The following SPTLC3 variants were observed in gnomAD, a reference collection of about 807,000 sequenced individuals.
The protein encoded by SPTLC3 is serine palmitoyltransferase long chain base subunit 3.
In SPTLC3, 36 loss-of-function variants were observed where a neutral mutation model predicts 59.3. That is an observed-to-expected ratio of 0.61 (90% CI 0.47 to 0.80). The LOEUF (loss-of-function observed/expected upper bound fraction) is 0.80. Ranked by LOEUF, SPTLC3 falls within the 30% of genes least tolerant of loss-of-function variation. SPTLC3 has a pLI of 0.00. For missense variants in SPTLC3, 625 were observed against 685.1 expected, an observed-to-expected ratio of 0.91 and a Z score of 0.98; for synonymous variants, 257 against 240.8, an observed-to-expected ratio of 1.07 and a Z score of -0.62.
Position 13,074,484 on chromosome 20 carries a change from C to T in SPTLC3, c.594C>T (p.Thr198=). 6.2e-7 allele frequency: 1 copy of T among 1,613,188 alleles called. No individual in the cohort carries two copies. The highest frequency in any genetic ancestry group is 8.5e-7 in the Non-Finnish European group (1 of 1,179,488). Residue 198 remains threonine, a synonymous_variant, in exon 4 of 12, where the codon ACC becomes ACT. Coordinates refer to ENST00000399002, the MANE Select transcript of SPTLC3 (RefSeq NM_018327.4). ...TGTATGGCACAGGCGTGGCCAGCAC[C>T]AGGCATGAAATGGGTATGTACATTC... is the stretch of plus-strand genomic sequence containing the variant. The part of the protein sequence containing the change: ...LEVYGTGVAS[T]RHEMGTLDKH...
rs558614977 is a variant in SPTLC3 at position 13,129,787 on chromosome 20, T to C, written c.1279+3070T>C. Among the ~76,000 whole-genome samples the C allele has an allele frequency of 1.5e-3, 235 of 152,360 alleles. 1 individual carries two copies. The highest frequency in any genetic ancestry group is 5.4e-3 in the African/African-American group (226 of 41,588). ...CATTAAAGACATGAGCATTTGCTCC[T>C]CAGTAATCATCTGCCATCAATTTTT... is the stretch of plus-strand genomic sequence containing the variant. On this transcript the variant is annotated intron_variant, in intron 9 of 11. Transcript: ENST00000399002.
chr20:13,141,189 T>G (rs187880894), intron 9 of SPTLC3, among the ~76,000 whole-genome samples: 1 of 152,358 alleles, frequency 6.6e-6, no homozygotes, highest in East Asian at 1.9e-4. Flanking sequence ...ATGAGATACA[T>G]TCACAAACTT....
At chr20:13,123,355 A>G (rs1003897962) in intron 8 of SPTLC3, among the ~76,000 whole-genome samples, 65 of 151,854 alleles carry the variant, frequency 4.3e-4, no homozygotes, top group African/African-American at 1.5e-3. Flanking sequence ...CACCAACTGC[A>G]TCAGGTATTC....
At chr20:13,018,117 G>A (rs1985635053) in intron 1 of SPTLC3, among the ~76,000 whole-genome samples, 1 of 152,162 alleles carries the variant, frequency 6.6e-6, no homozygotes, top group African/African-American at 2.4e-5. Flanking sequence ...GATACTTCAT[G>A]GATCATAGAC....
At chr20:13,122,873 G>T (rs572020229) in intron 8 of SPTLC3, among the ~76,000 whole-genome samples, 1 of 152,234 alleles carries the variant, frequency 6.6e-6, no homozygotes, top group East Asian at 1.9e-4. Flanking sequence ...GAAAATCCTT[G>T]GTTTGATGTA....
chr20:13,060,261 T>C (rs1476864160), intron 2 of SPTLC3, among the ~76,000 whole-genome samples: 2 of 152,310 alleles, frequency 1.3e-5, no homozygotes, highest in East Asian at 3.9e-4. Context: ...AGATTCAGTA[T>C]ACGCAAAATC....
Position 13,108,201 on chromosome 20 carries a change from T to A in SPTLC3, c.827-1911T>A, listed in dbSNP as rs540400052. 1.7e-3 allele frequency among the ~76,000 whole-genome samples: 263 copies of A among 152,318 alleles called. 1 individual carries two copies. The highest frequency in any genetic ancestry group is 2.7e-3 in the Admixed American group (42 of 15,292). On this transcript the variant is annotated intron_variant, in intron 6 of 11. Transcript: ENST00000399002. ...CTGACTTGTCCTATCCCACTCCAAG[T>A]CATAGGAAGTCACCTTTATTTAAAT...
intron 4 of SPTLC3, 22 bp from the exon 5 acceptor site, chr20:13,091,061 T>G (rs1262967958): frequency 6.2e-7 from 1 of 1,612,286 alleles, no homozygotes; most frequent in East Asian, 2.2e-5. Context: ...AAGGCTCACT[T>G]CTCATGTAAT....
chr20:13,045,403 T>C lies in SPTLC3; in HGVS notation c.118-3542T>C, dbSNP rs536384429. ...ATAAATGCAAACTTATTAAGCAAGA[T>C]TTTATGCTTCATTTACTTTGATAGG... On this transcript the variant is annotated intron_variant, in intron 1 of 11. Coordinates refer to ENST00000399002, the MANE Select transcript of SPTLC3 (RefSeq NM_018327.4). 1.9e-4 allele frequency among the ~76,000 whole-genome samples: 29 copies of C among 152,328 alleles called. No homozygotes were observed. The East Asian group carries it at 4.6e-3, about 24-fold the overall frequency.
At chr20:13,119,350 C>T (rs1423576583) in intron 8 of SPTLC3, among the ~76,000 whole-genome samples, 1 of 152,174 alleles carries the variant, frequency 6.6e-6, no homozygotes, top group Non-Finnish European at 1.5e-5. Context: ...TAAACAAAGG[C>T]TCGCGACTAG....
In SPTLC3 at chr20:13,062,319, G is replaced by A. The variant is rs1368044899; in HGVS notation, c.304-9937G>A. On this transcript the variant is annotated intron_variant, in intron 2 of 11. Coordinates refer to ENST00000399002, the MANE Select transcript of SPTLC3 (RefSeq NM_018327.4). ...AGAGCATGTGCCATAGGCTAAGAAG[G>A]CAACCCCAAAATACCAAAGGCCGAG... is the stretch of plus-strand genomic sequence containing the variant. Among the ~76,000 whole-genome samples, 7 of 152,252 alleles carry A rather than the reference G, an allele frequency of 4.6e-5. No individual in the cohort carries two copies. The East Asian group carries it at 1.3e-3, about 29-fold the overall frequency.
At chr20:13,066,481 CA>C (rs1988217007) in intron 2 of SPTLC3, among the ~76,000 whole-genome samples, 1 of 152,082 alleles carries the variant, frequency 6.6e-6, no homozygotes, top group Admixed American at 6.6e-5. Context: ...TAGTATATTT[CA>C]AAATCAGGTA....
intron 2 of SPTLC3, among the ~76,000 whole-genome samples, chr20:13,068,750 TA>T (rs59578735): frequency 0.13 from 19,441 of 147,754 alleles, 1,509 homozygotes; most frequent in African/African-American, 0.22. Flanking sequence ...CTGAGTACTT[TA>T]AAAAAAAAAA....
intron 9 of SPTLC3, among the ~76,000 whole-genome samples, chr20:13,128,451 C>T (rs150244088): frequency 6.6e-6 from 1 of 152,294 alleles, no homozygotes; most frequent in East Asian, 1.9e-4. Flanking sequence ...AAGACAGTGA[C>T]TCAGGCTGCT....
chr20:13,042,432 A>G (rs189716166), intron 1 of SPTLC3, among the ~76,000 whole-genome samples: 22 of 152,282 alleles, frequency 1.4e-4, no homozygotes, highest in Admixed American at 1.4e-3. Flanking sequence ...CTCTTCCACC[A>G]TGGAACCTCT....
chr20:13,093,253 G>A (rs1011807431), intron 5 of SPTLC3, among the ~76,000 whole-genome samples: 5 of 152,174 alleles, frequency 3.3e-5, no homozygotes, highest in Non-Finnish European at 1.5e-5. Context: ...AAAACTATAT[G>A]CAAATGTCGC....
At position 13,059,735 on chromosome 20, in the gene SPTLC3, T is replaced by C. The variant is rs528551895; in HGVS notation, c.303+10605T>C. Among the ~76,000 whole-genome samples the C allele has an allele frequency of 5.1e-4, 77 of 152,326 alleles. 2 individuals carry two copies. In the South Asian group the frequency reaches 6.4e-3, roughly 13 times the overall value. ...CCGGTACTGCCTCCAATATCTCTTTTACCACCCCCACAAACTCCACCCTTG... is the reference window on the plus strand; with the variant it reads ...CCGGTACTGCCTCCAATATCTCTTTCACCACCCCCACAAACTCCACCCTTG... On this transcript the variant is annotated intron_variant, in intron 2 of 11. Coordinates refer to ENST00000399002, the MANE Select transcript of SPTLC3 (RefSeq NM_018327.4).
intron 2 of SPTLC3, among the ~76,000 whole-genome samples, chr20:13,059,817 C>A (rs1987878514): frequency 6.6e-6 from 1 of 152,160 alleles, no homozygotes; most frequent in East Asian, 1.9e-4. Context: ...ATTTCAGGTT[C>A]TCTTTTCCTT....
chr20:13,120,589 G>T (rs1990848450), intron 8 of SPTLC3, among the ~76,000 whole-genome samples: 1 of 152,170 alleles, frequency 6.6e-6, no homozygotes, highest in Non-Finnish European at 1.5e-5. Flanking sequence ...TGTCTAGGAG[G>T]TTCTGGAAAT....
Sources: allele counts gnomAD v4.1 joint callset (sites outside exome capture counted in the v4.1 genomes callset), GRCh38; gene constraint gnomAD v4.1.1; transcripts MANE v1.5; gene names NCBI Gene and HGNC (gene_info 2026-07-23, HGNC 2026-07-21).